The following LGSN variants were observed in gnomAD, a reference collection of about 807,000 sequenced individuals.
LGSN encodes lengsin, lens protein with glutamine synthetase domain.
In LGSN, 21 loss-of-function variants were observed where a neutral mutation model predicts 19.5. The ratio of observed to expected loss-of-function variants is 1.07; its 90% CI spans 0.76 to 1.55. The LOEUF is 1.55. Among genes scored for constraint, LGSN ranks in the 40% most tolerant of loss-of-function variants. The pLI is 0.00. For synonymous variants in LGSN, 257 were observed against 215.6 expected (o/e 1.19, Z -1.68); for missense variants, 673 against 608.5 (o/e 1.11, Z -1.12).
At chr6:63,479,514 C>T in the LGSN span, among the ~76,000 whole-genome samples, 2 of 151,784 alleles carry the variant, frequency 1.3e-5, no homozygotes, top group Middle Eastern at 3.2e-3. Context: ...CCGAGGCTGG[C>T]GGATCTCGAG....
the LGSN span, among the ~76,000 whole-genome samples, chr6:63,377,133 T>C: frequency 1.4e-4 from 22 of 152,248 alleles, no homozygotes; most frequent in African/African-American, 5.1e-4. Flanking sequence ...TAGAGCAAAA[T>C]ATTGCTAAGG....
chr6:63,398,818 A>T, the LGSN span, among the ~76,000 whole-genome samples: 16,250 of 152,072 alleles, frequency 0.11, 1,794 homozygotes, highest in African/African-American at 0.29. Context: ...ACCACTTTTT[A>T]AAATATATAT....
At chr6:63,293,910 C>G in intron 2 of LGSN, 1 of 380,640 alleles carries the variant, frequency 2.6e-6, no homozygotes, top group Non-Finnish European at 5.2e-6. Context: ...TCAACTGTCT[C>G]TTAATATAAT....
chr6:63,481,292 G>A, the LGSN span, among the ~76,000 whole-genome samples: 2 of 151,776 alleles, frequency 1.3e-5, no homozygotes, highest in African/African-American at 2.4e-5. Context: ...CTAAATCTCA[G>A]AATTCACAAC....
At chr6:63,432,037 C>G in the LGSN span, among the ~76,000 whole-genome samples, 7 of 147,430 alleles carry the variant, frequency 4.7e-5, no homozygotes, top group Non-Finnish European at 8.9e-5. Context: ...GATCATGCCA[C>G]TGCACTCAGC....
At chr6:63,365,236 A>T in the LGSN span, among the ~76,000 whole-genome samples, 7 of 152,208 alleles carry the variant, frequency 4.6e-5, no homozygotes, top group African/African-American at 7.2e-5. Flanking sequence ...TAGACACAAT[A>T]AAATGTGAGA....
At chr6:63,328,948 T>C in the LGSN span, among the ~76,000 whole-genome samples, 1 of 152,192 alleles carries the variant, frequency 6.6e-6, no homozygotes, top group East Asian at 1.9e-4. Context: ...GATAAGCCAG[T>C]AAAGGCTGTA....
chr6:63,542,539 C>A, the LGSN span, among the ~76,000 whole-genome samples: 1 of 152,134 alleles, frequency 6.6e-6, no homozygotes, highest in Non-Finnish European at 1.5e-5. Context: ...CATATTCCTT[C>A]TTCCCATGTT....
the LGSN span, among the ~76,000 whole-genome samples, chr6:63,468,065 A>T: frequency 6.6e-6 from 1 of 152,100 alleles, no homozygotes; most frequent in Non-Finnish European, 1.5e-5. Flanking sequence ...TCAATACATG[A>T]CTTTTTTGAG....
the LGSN span, among the ~76,000 whole-genome samples, chr6:63,378,034 GAAAAAAAAAAA>G: frequency 1.2e-5 from 1 of 85,442 alleles, no homozygotes; most frequent in Non-Finnish European, 2.8e-5. Flanking sequence ...CCAGATTTTT[GAAAAAAAAAAA>G]AAAAAAGAAA....
chr6:63,481,346 G>A, the LGSN span, among the ~76,000 whole-genome samples: 6 of 113,574 alleles, frequency 5.3e-5, no homozygotes, highest in Admixed American at 8.9e-5. Context: ...TACCCCAAAA[G>A]CTATTTTTTT....
chr6:63,337,575 G>C, the LGSN span, among the ~76,000 whole-genome samples: 1 of 151,858 alleles, frequency 6.6e-6, no homozygotes. Flanking sequence ...GCCAAGGCAG[G>C]TAGATCACTT....
chr6:63,479,873 A>G, the LGSN span, among the ~76,000 whole-genome samples: 2 of 152,166 alleles, frequency 1.3e-5, no homozygotes, highest in Non-Finnish European at 2.9e-5. Context: ...TCATTCAGTC[A>G]TTTATCAGCA....
chr6:63,444,644 C>A, the LGSN span, among the ~76,000 whole-genome samples: 8 of 152,254 alleles, frequency 5.3e-5, no homozygotes, highest in South Asian at 1.2e-3. Flanking sequence ...CCCTAGGGAC[C>A]TGAGAAGCAG....
the LGSN span, among the ~76,000 whole-genome samples, chr6:63,370,587 A>C: frequency 6.6e-6 from 1 of 152,240 alleles, no homozygotes; most frequent in East Asian, 1.9e-4. Flanking sequence ...CTTGGCTCAC[A>C]TGGGTCCTGC....
At chr6:63,549,295 T>A in the LGSN span, 2 of 754,264 alleles carry the variant, frequency 2.7e-6, no homozygotes, top group South Asian at 2.7e-5. Context: ...TTCAGCCACT[T>A]ACAGAGGATG....
the LGSN span, among the ~76,000 whole-genome samples, chr6:63,327,986 G>A: frequency 6.6e-6 from 1 of 152,188 alleles, no homozygotes; most frequent in Non-Finnish European, 1.5e-5. Context: ...GTTCCCAGAG[G>A]TTAGGAACTC....
chr6:63,405,753 C>A, the LGSN span, among the ~76,000 whole-genome samples: 1 of 152,060 alleles, frequency 6.6e-6, no homozygotes, highest in Non-Finnish European at 1.5e-5. Context: ...AGAGTTAAGA[C>A]CCATCAGTGT....
At position 63,280,815 on chromosome 6, in the gene LGSN, C is replaced by T; in HGVS notation, c.736G>A (p.Gly246Ser). The T allele has an allele frequency of 1.2e-6, 2 of 1,613,994 alleles. No individual in the cohort carries two copies. Among genetic ancestry groups the T allele is most frequent in the East Asian group, 2.2e-5 (1 of 44,888 alleles). The change falls in exon 4 of 4, where the codon GGC (glycine) becomes AGC (serine). Residue 246 changes from glycine (G) to serine (S), a missense_variant. Coordinates refer to ENST00000370657, the MANE Select transcript of LGSN (RefSeq NM_016571.3). ...DQPFMQELVD[G>S]LYHTGANVES... is the part of the protein sequence containing the mutation. ...ACATTGGCTCCAGTGTGATACAAGC[C>T]ATCAACAAGTTCCTGCATGAAGGGC...
Sources: allele counts gnomAD v4.1 joint callset (sites outside exome capture counted in the v4.1 genomes callset), GRCh38; gene constraint gnomAD v4.1.1; transcripts MANE v1.5; gene names NCBI Gene and HGNC (gene_info 2026-07-23, HGNC 2026-07-21).